Variants in KCNIP4 observed in about 807,000 individuals in gnomAD.
KCNIP4 encodes potassium voltage-gated channel interacting protein 4, also known as Kv channel-interacting protein 4.
KCNIP4 carries 12 observed loss-of-function variants against 34.0 expected under a neutral mutation model. The ratio of observed to expected loss-of-function variants is 0.35; its 90% CI spans 0.23 to 0.57. KCNIP4 has a LOEUF of 0.57. Among genes scored for constraint, KCNIP4 ranks in the 20% least tolerant of loss-of-function variants. The probability of loss-of-function intolerance (pLI) is 0.83; values close to 1 mark genes in which losing one functional copy is unlikely to be tolerated. For synonymous variants in KCNIP4, 124 were observed against 102.2 expected (o/e 1.21, Z -1.29); for missense variants, 238 against 311.7 (o/e 0.76, Z 1.78).
chr4:20,971,204 G>C (rs974378109), intron 1 of KCNIP4, among the ~76,000 whole-genome samples: 36 of 152,152 alleles, frequency 2.4e-4, no homozygotes, highest in African/African-American at 8.2e-4. Flanking sequence ...CAGAAGAAAG[G>C]GAGAAGGAGC....
At chr4:21,843,297 T>A (rs1723798651) in intron 1 of KCNIP4, 1 of 152,130 alleles carries the variant, frequency 6.6e-6, no homozygotes, top group South Asian at 2.1e-4. Context: ...TCTTGATTAA[T>A]CTTTCCATTA....
chr4:21,319,760 A>T (rs1312157681), intron 1 of KCNIP4, among the ~76,000 whole-genome samples: 2 of 152,168 alleles, frequency 1.3e-5, no homozygotes, highest in African/African-American at 4.8e-5. Flanking sequence ...TTTCCACAAC[A>T]ATCAGCTCAC....
At chr4:20,825,843 G>A (rs958844675) in intron 3 of KCNIP4, among the ~76,000 whole-genome samples, 7 of 152,188 alleles carry the variant, frequency 4.6e-5, no homozygotes, top group African/African-American at 1.7e-4. Flanking sequence ...AACCCTTGAA[G>A]ATGAAAGAAT....
At chr4:21,742,763 G>A (rs1267845329) in intron 1 of KCNIP4, among the ~76,000 whole-genome samples, 5 of 152,102 alleles carry the variant, frequency 3.3e-5, no homozygotes, top group African/African-American at 1.2e-4. Context: ...ATATGTACAT[G>A]GGAAAATAGA....
chr4:21,559,504 C>T (rs990220496), intron 1 of KCNIP4, among the ~76,000 whole-genome samples: 2 of 151,914 alleles, frequency 1.3e-5, no homozygotes, highest in Non-Finnish European at 2.9e-5. Context: ...GGCATCTGTC[C>T]CTTAAGGAGT....
At chr4:21,205,781 C>T (rs576751763) in intron 1 of KCNIP4, among the ~76,000 whole-genome samples, 1 of 152,274 alleles carries the variant, frequency 6.6e-6, no homozygotes, top group Non-Finnish European at 1.5e-5. Context: ...TGTTTGAAGC[C>T]AGGCGGTCTG....
intron 1 of KCNIP4, among the ~76,000 whole-genome samples, chr4:21,530,379 C>T (rs150251017): frequency 2.7e-4 from 41 of 152,246 alleles, no homozygotes; most frequent in African/African-American, 9.6e-4. Context: ...ATTTTATTTA[C>T]AATTCAGTTT....
intron 1 of KCNIP4, among the ~76,000 whole-genome samples, chr4:21,777,503 T>C (rs978154756): frequency 6.6e-6 from 1 of 152,158 alleles, no homozygotes; most frequent in East Asian, 1.9e-4. Flanking sequence ...TAATATGACT[T>C]GGCAAAGAAA....
At chr4:21,269,430 G>A (rs1012297046) in intron 1 of KCNIP4, among the ~76,000 whole-genome samples, 5 of 152,058 alleles carry the variant, frequency 3.3e-5, no homozygotes, top group Non-Finnish European at 7.3e-5. Context: ...TGGGGGGACA[G>A]GGTCTCAGTC....
At chr4:21,366,536 G>T (rs369850058) in intron 1 of KCNIP4, among the ~76,000 whole-genome samples, 32 of 152,330 alleles carry the variant, frequency 2.1e-4, no homozygotes, top group African/African-American at 3.6e-4. Flanking sequence ...GAGCACTAAC[G>T]ATGGGACTGC....
intron 1 of KCNIP4, among the ~76,000 whole-genome samples, chr4:21,045,230 G>A (rs770692890): frequency 4.6e-5 from 7 of 152,140 alleles, no homozygotes; most frequent in Non-Finnish European, 7.4e-5. Flanking sequence ...AAAGAAGCAA[G>A]CAGGCATCTC....
At chr4:21,149,432 A>G (rs997302116) in intron 1 of KCNIP4, among the ~76,000 whole-genome samples, 2 of 152,182 alleles carry the variant, frequency 1.3e-5, no homozygotes, top group African/African-American at 4.8e-5. Context: ...GGAGTTATCT[A>G]GGTGAACAGA....
At chr4:21,095,636 G>A (rs1029551771) in intron 1 of KCNIP4, among the ~76,000 whole-genome samples, 1 of 152,120 alleles carries the variant, frequency 6.6e-6, no homozygotes, top group Non-Finnish European at 1.5e-5. Context: ...TCATTAGTGT[G>A]TAAGAGAATA....
intron 3 of KCNIP4, among the ~76,000 whole-genome samples, chr4:20,789,884 T>C (rs1326713731): frequency 2.0e-5 from 3 of 152,162 alleles, no homozygotes; most frequent in Non-Finnish European, 4.4e-5. Flanking sequence ...GGGTTTGTTA[T>C]ACAGCAAAAG....
intron 1 of KCNIP4, among the ~76,000 whole-genome samples, chr4:21,839,045 T>G (rs1366367845): frequency 1.3e-5 from 2 of 152,128 alleles, no homozygotes; most frequent in African/African-American, 4.8e-5. Context: ...AAAATAATCA[T>G]TTAGAAGGAA....
chr4:21,541,180 C>CAA (rs60459395), intron 1 of KCNIP4, among the ~76,000 whole-genome samples: 5,451 of 107,418 alleles, frequency 0.051, 196 homozygotes, highest in South Asian at 0.082. Context: ...CAAAAGAAAA[C>CAA]AAAAAAAAAA....
intron 1 of KCNIP4, among the ~76,000 whole-genome samples, chr4:21,366,832 C>A (rs1021396619): frequency 6.6e-6 from 1 of 151,854 alleles, no homozygotes; most frequent in Non-Finnish European, 1.5e-5. Flanking sequence ...AGAGGTAGTT[C>A]CAGTTTATTA....
At chr4:21,137,768 T>C (rs1269992670) in intron 1 of KCNIP4, among the ~76,000 whole-genome samples, 3 of 152,084 alleles carry the variant, frequency 2.0e-5, no homozygotes, top group Non-Finnish European at 4.4e-5. Flanking sequence ...AGGAAATTTT[T>C]CCATAGTAAT....
At chr4:21,403,420 T>A (rs562371856) in intron 1 of KCNIP4, among the ~76,000 whole-genome samples, 8 of 152,340 alleles carry the variant, frequency 5.3e-5, no homozygotes, top group Non-Finnish European at 7.3e-5. Flanking sequence ...GCCTTACTGA[T>A]GGTTTTGCCA....
Sources: gnomAD v4.1 joint callset for allele counts (sites outside exome capture counted in the v4.1 genomes callset) on GRCh38, gnomAD v4.1.1 for gene constraint, MANE v1.5 for transcripts, NCBI Gene and HGNC (gene_info 2026-07-23, HGNC 2026-07-21) for gene names.